WT1: variants seen among roughly 807,000 people sequenced by gnomAD.
WT1 encodes the protein Wilms tumor protein.
WT1 carries 8 observed loss-of-function variants against 60.8 expected under a neutral mutation model. The observed-to-expected ratio is 0.13, with a 90% confidence interval of 0.08 to 0.24. The LOEUF is 0.24. Among genes scored for constraint, WT1 ranks in the 10% least tolerant of loss-of-function variants. The pLI, the probability that WT1 is intolerant of heterozygous loss-of-function variation, is 1.00. For synonymous variants in WT1, 312 were observed against 297.1 expected (o/e 1.05, Z -0.52); for missense variants, 568 against 711.8 (o/e 0.80, Z 2.30).
chr11:32,433,371 G>A (rs5030146), intron 1 of WT1, among the ~76,000 whole-genome samples: 2 of 152,228 alleles, frequency 1.3e-5, no homozygotes, highest in African/African-American at 2.4e-5. Context: ...CTTCGCGGGG[G>A]CCGGGTGCTC....
chr11:32,415,625 C>T lies in WT1; in HGVS notation c.1016+865G>A, dbSNP rs531840827. ...TGGCACCATTGCACTCCAGCCTGGG[C>T]GACAAGAGCTAAACTCCGTCTCAAA... On this transcript the variant is annotated intron_variant, in intron 5 of 9. Coordinates refer to ENST00000452863, the MANE Select transcript of WT1 (RefSeq NM_024426.6). 3.3e-5 allele frequency among the ~76,000 whole-genome samples: 5 copies of T among 152,230 alleles called. No individual in the cohort carries two copies. In the South Asian group the frequency reaches 6.2e-4, roughly 19 times the overall value.
chr11:32,430,451 G>GGGGAGAGAGAGAAA, intron 1 of WT1: 1 of 917,140 alleles, frequency 1.1e-6, no homozygotes, highest in South Asian at 2.0e-5. Flanking sequence ...AGAGAGAGAG[G>GGGGAGAGAGAGAAA]GAGGGAGAGA....
At chr11:32,395,658 C>A (rs1252305054) in intron 7 of WT1, among the ~76,000 whole-genome samples, 1 of 152,050 alleles carries the variant, frequency 6.6e-6, no homozygotes, top group Non-Finnish European at 1.5e-5. Flanking sequence ...GACGGGGTTT[C>A]ACCTTGTTGG....
chr11:32,407,437 C>A (rs1852348588), intron 5 of WT1, among the ~76,000 whole-genome samples: 3 of 152,104 alleles, frequency 2.0e-5, no homozygotes, highest in African/African-American at 7.2e-5. Flanking sequence ...AGAAAAAGAG[C>A]CTTTGGAAGG....
chr11:32,392,581 T>G, intron 8 of WT1, 85 bp downstream of exon 8: 1 of 1,332,616 alleles, frequency 7.5e-7, no homozygotes, highest in Non-Finnish European at 1.1e-6. Context: ...ACTCTCTCAT[T>G]CATATTCAAC....
At chr11:32,390,394 G>C (rs185192213) in intron 9 of WT1, among the ~76,000 whole-genome samples, 1 of 152,140 alleles carries the variant, frequency 6.6e-6, no homozygotes, top group Non-Finnish European at 1.5e-5. Context: ...TGTGACAGCC[G>C]TGTCAAAGGG....
At chr11:32,428,985 C>T (rs955833510) in intron 1 of WT1, 1 of 355,704 alleles carries the variant, frequency 2.8e-6, no homozygotes, top group African/African-American at 2.1e-5. Flanking sequence ...CAAAAATAAA[C>T]TGCAGCTCTT....
chr11:32,412,482 T>C (rs1019168840), intron 5 of WT1, among the ~76,000 whole-genome samples: 1 of 152,008 alleles, frequency 6.6e-6, no homozygotes, highest in African/African-American at 2.4e-5. Flanking sequence ...TGGATCACAG[T>C]CAAGGTTGAT....
chr11:32,417,529 A>G lies in WT1; in HGVS notation c.965+48T>C, dbSNP rs779291668. On this transcript the variant is annotated intron_variant, in intron 4 of 9. Coordinates refer to ENST00000452863, the MANE Select transcript of WT1 (RefSeq NM_024426.6). ...TCTAAGCACCTTTGAAATGGTTCAA[A>G]CAGGTATAAGTTACTGTGGAAAGGC... is the stretch of plus-strand genomic sequence containing the variant. 1.0e-5 allele frequency: 16 copies of G among 1,531,960 alleles called. No individual in the cohort carries two copies. In the African/African-American group the frequency reaches 2.1e-4, roughly 20 times the overall value. 94.9% of individuals were successfully genotyped at this position (1,531,960 alleles called of 1,614,324 possible). A position where few individuals can be genotyped will look rare whatever the true frequency, so the allele number is the denominator to read the frequency against.
At chr11:32,397,919 T>A (rs1852022146) in intron 6 of WT1, among the ~76,000 whole-genome samples, 1 of 152,154 alleles carries the variant, frequency 6.6e-6, no homozygotes, top group South Asian at 2.1e-4. Flanking sequence ...TTAGAGGCCA[T>A]GGCAAGTGAG....
chr11:32,430,987 A>G (rs1356201651), intron 1 of WT1, among the ~76,000 whole-genome samples: 1 of 152,122 alleles, frequency 6.6e-6, no homozygotes, highest in African/African-American at 2.4e-5. Context: ...GGCTCCTTGT[A>G]CAGGCCTTGG....
At chr11:32,407,238 GAAAAACAA>G (rs202141914) in intron 5 of WT1, among the ~76,000 whole-genome samples, 6,941 of 151,786 alleles carry the variant, frequency 0.046, 207 homozygotes, top group Non-Finnish European at 0.073. Context: ...TTTGGCTCAG[GAAAAACAA>G]AAAAACAAAA....
chr11:32,415,322 A>T (rs548467418), intron 5 of WT1, among the ~76,000 whole-genome samples: 19 of 152,206 alleles, frequency 1.2e-4, no homozygotes, highest in Non-Finnish European at 1.2e-4. Flanking sequence ...AAAGGGTGGG[A>T]CCAAGAAGCC....
chr11:32,396,893 C>A (rs1851992035), intron 6 of WT1, among the ~76,000 whole-genome samples: 1 of 152,204 alleles, frequency 6.6e-6, no homozygotes, highest in Non-Finnish European at 1.5e-5. Context: ...GAGCCCCTAA[C>A]TGACCAGATC....
rs2132915368 is a variant in WT1, at chr11:32,392,060, C to G, written c.1359G>C (p.Val453=). 6.2e-7 allele frequency: 1 copy of G among 1,614,048 alleles called. No homozygotes were observed. The highest frequency in any genetic ancestry group is 8.5e-7 in the Non-Finnish European group (1 of 1,180,006). ...GACAAGTTTTACACTGGAATGGTTT[C>G]ACACCTAAATGGACAGAGAAGGTCT... Residue 453 remains valine (V), a synonymous_variant, in exon 9 of 10, where the codon GTG becomes GTC. Coordinates refer to ENST00000452863, the MANE Select transcript of WT1 (RefSeq NM_024426.6).
intron 5 of WT1, among the ~76,000 whole-genome samples, chr11:32,400,872 C>T (rs965585435): frequency 6.6e-6 from 1 of 152,198 alleles, no homozygotes; most frequent in Admixed American, 6.5e-5. Flanking sequence ...TAGAATTACA[C>T]CTAGAAGCAC....
intron 2 of WT1, among the ~76,000 whole-genome samples, chr11:32,428,261 C>G (rs1369453932): frequency 6.6e-6 from 1 of 152,222 alleles, no homozygotes; most frequent in East Asian, 1.9e-4. Context: ...GCGCTGTGCA[C>G]CAAAAAGGCC....
intron 5 of WT1, among the ~76,000 whole-genome samples, chr11:32,405,663 A>G (rs559912788): frequency 3.3e-5 from 5 of 152,270 alleles, no homozygotes; most frequent in Admixed American, 3.3e-4. Context: ...AGCTTCATGT[A>G]AAATGAAAAT....
rs902890783 is a variant in WT1 at position 32,397,117 on chromosome 11, G to A, written c.1114-710C>T. ...CCCCTTTATCTTGTGGAAGTGCAGT[G>A]TGTGTGTTGTCAGTCTTCCAAGAAT... is the stretch of plus-strand genomic sequence containing the variant. On this transcript the variant is annotated intron_variant, in intron 6 of 9. Transcript: ENST00000452863. Among the ~76,000 whole-genome samples the A allele has an allele frequency of 2.0e-5, 3 of 152,210 alleles. No homozygotes were observed. The East Asian group carries it at 5.8e-4, about 29-fold the overall frequency.
Sources: allele counts gnomAD v4.1 joint callset (sites outside exome capture counted in the v4.1 genomes callset), GRCh38; gene constraint gnomAD v4.1.1; transcripts MANE v1.5; gene names NCBI Gene and HGNC (gene_info 2026-07-23, HGNC 2026-07-21).